The following EML1 variants were observed in gnomAD, a reference collection of about 807,000 sequenced individuals.
The protein encoded by EML1 is echinoderm microtubule-associated protein-like 1.
Under a neutral mutation model 110.4 loss-of-function variants are expected in EML1, and 27 were observed. The ratio of observed to expected loss-of-function variants is 0.24; its 90% CI spans 0.18 to 0.34. The LOEUF is 0.34. Among genes scored for constraint, EML1 ranks in the 10% least tolerant of loss-of-function variants. EML1 has a pLI of 1.00. For missense variants in EML1, 741 were observed against 1,030.9 expected (o/e 0.72, Z 3.85); for synonymous variants, 344 against 385.8 (o/e 0.89, Z 1.27).
chr14:99,756,483 T>C (rs2057256535), intron 1 of EML1, among the ~76,000 whole-genome samples: 1 of 152,168 alleles, frequency 6.6e-6, no homozygotes, highest in Admixed American at 6.5e-5. Context: ...GCTCATCGGT[T>C]CCTTGGTGTT....
chr14:99,821,487 C>T (rs549716456), intron 1 of EML1, among the ~76,000 whole-genome samples: 1 of 152,286 alleles, frequency 6.6e-6, no homozygotes, highest in South Asian at 2.1e-4. Flanking sequence ...ACCGTCTCTC[C>T]CTCCCTTTTG....
chr14:99,873,219 G>C (rs1037945789), intron 3 of EML1, among the ~76,000 whole-genome samples: 2 of 152,188 alleles, frequency 1.3e-5, no homozygotes, highest in African/African-American at 4.8e-5. Flanking sequence ...TGTGAACAGA[G>C]ATCAAAAGAA....
chr14:99,896,583 G>A (rs987206970), intron 6 of EML1, among the ~76,000 whole-genome samples: 1 of 152,036 alleles, frequency 6.6e-6, no homozygotes, highest in Non-Finnish European at 1.5e-5. Flanking sequence ...TAAATAAATG[G>A]CATTTTTTTG....
chr14:99,853,744 T>C (rs2058852694), intron 2 of EML1, among the ~76,000 whole-genome samples: 1 of 152,174 alleles, frequency 6.6e-6, no homozygotes, highest in African/African-American at 2.4e-5. Flanking sequence ...ATCTTGGTTC[T>C]CTGCAACCTC....
At chr14:99,908,814 C>T (rs539098153) in intron 10 of EML1, among the ~76,000 whole-genome samples, 78 of 152,272 alleles carry the variant, frequency 5.1e-4, no homozygotes, top group African/African-American at 8.2e-4. Flanking sequence ...CCTGGGGAAA[C>T]GGGCAGCCAG....
intron 1 of EML1, among the ~76,000 whole-genome samples, chr14:99,824,856 A>G (rs150646070): frequency 2.0e-3 from 305 of 152,190 alleles, no homozygotes; most frequent in African/African-American, 7.0e-3. Flanking sequence ...CCCACTTATG[A>G]GTAAGGACGT....
chr14:99,925,979 C>T (rs899936578), intron 17 of EML1, among the ~76,000 whole-genome samples: 5 of 152,182 alleles, frequency 3.3e-5, no homozygotes, highest in South Asian at 2.1e-4. Context: ...ACCACAGCCG[C>T]GTGGTCCTCA....
intron 3 of EML1, among the ~76,000 whole-genome samples, chr14:99,870,318 T>C (rs753788489): frequency 6.6e-6 from 1 of 152,188 alleles, no homozygotes; most frequent in Non-Finnish European, 1.5e-5. Flanking sequence ...GAAGAAAAGA[T>C]TGAAGCCAGC....
intron 2 of EML1, among the ~76,000 whole-genome samples, chr14:99,857,237 C>T (rs932390265): frequency 6.6e-6 from 1 of 151,702 alleles, no homozygotes; most frequent in African/African-American, 2.4e-5. Flanking sequence ...ACACACTGCA[C>T]TTCAGCCTGG....
chr14:99,770,588 C>T (rs61357217), upstream of EML1, among the ~76,000 whole-genome samples: 23,759 of 151,764 alleles, frequency 0.16, 2,143 homozygotes, highest in East Asian at 0.3. Flanking sequence ...TCCATAGTAT[C>T]AGCTCAGTTA....
At chr14:99,866,570 CAAAAAAAAAAAAAAA>C (rs57796662) in intron 3 of EML1, among the ~76,000 whole-genome samples, 28 of 80,086 alleles carry the variant, frequency 3.5e-4, no homozygotes, top group Non-Finnish European at 2.3e-4. Flanking sequence ...AACTCCATCT[CAAAAAAAAAAAAAAA>C]AAAAAAAAAA....
Position 99,781,430 on chromosome 14 carries a change from A to G in EML1, c.-27+7417A>G, listed in dbSNP as rs2057538702. ...CTACACCCCACCACTCCTGCCCTCT[A>G]GACCCCAGATCCTCTCTTGGCTTCT... On this transcript the variant is annotated intron_variant, in intron 1 of 22. Transcript: ENST00000327921. The surrounding 1 kb of genome is among the most constrained non-coding windows in gnomAD (Gnocchi z 4.2). 1.3e-5 allele frequency among the ~76,000 whole-genome samples: 2 copies of G among 151,968 alleles called. No homozygotes were observed. Among genetic ancestry groups the G allele is most frequent in the Non-Finnish European group, 2.9e-5 (2 of 67,966 alleles).
intron 17 of EML1, among the ~76,000 whole-genome samples, chr14:99,923,454 A>G (rs1442151263): frequency 2.4e-5 from 3 of 124,946 alleles, no homozygotes; most frequent in Non-Finnish European, 4.9e-5. Context: ...TTACAAGAGT[A>G]CACTAGACTT....
chr14:99,821,294 A>ACCACGC (rs2058258262), intron 1 of EML1, among the ~76,000 whole-genome samples: 1 of 152,126 alleles, frequency 6.6e-6, no homozygotes, highest in African/African-American at 2.4e-5. Flanking sequence ...GGCTTGAGGC[A>ACCACGC]CCACGCCCAG....
chr14:99,915,321 A>T (rs2060015257), intron 15 of EML1: 1 of 150,864 alleles, frequency 6.6e-6, no homozygotes, highest in Non-Finnish European at 1.5e-5. Context: ...CTGAGGCAGG[A>T]GAATTGCTTG....
chr14:99,927,846 A>ATGG (rs1371623199), intron 17 of EML1, among the ~76,000 whole-genome samples: 1 of 10,068 alleles, frequency 9.9e-5, no homozygotes, highest in African/African-American at 4.7e-4. Flanking sequence ...GGTGGTGGTG[A>ATGG]TGGTGGTGGT....
At chr14:99,805,638 C>G (rs1003208370) in intron 1 of EML1, among the ~76,000 whole-genome samples, 1 of 151,984 alleles carries the variant, frequency 6.6e-6, no homozygotes, top group Non-Finnish European at 1.5e-5. Flanking sequence ...CCGTGCCCAG[C>G]TAATTTTTTT....
chr14:99,864,213 AAG>A (rs1185013551), intron 2 of EML1, among the ~76,000 whole-genome samples: 1 of 152,104 alleles, frequency 6.6e-6, no homozygotes, highest in African/African-American at 2.4e-5. Context: ...ATTGAATTTG[AAG>A]AGTTCCTTTT....
chr14:99,825,000 T>C (rs2058328877), intron 1 of EML1, among the ~76,000 whole-genome samples: 2 of 152,198 alleles, frequency 1.3e-5, no homozygotes, highest in Admixed American at 1.3e-4. Flanking sequence ...TTTTATTTTT[T>C]TGAGACAGGA....
Sources: gnomAD v4.1 joint callset for allele counts (sites outside exome capture counted in the v4.1 genomes callset) on GRCh38, gnomAD v4.1.1 for gene constraint, Gnocchi (gnomAD v3.1) non-coding constraint, MANE v1.5 for transcripts, NCBI Gene and HGNC (gene_info 2026-07-23, HGNC 2026-07-21) for gene names.